TSC22D1: variants seen among roughly 807,000 people sequenced by gnomAD.
The protein encoded by TSC22D1 is TSC22 domain family protein 1.
In TSC22D1, 9 loss-of-function variants were observed where a neutral mutation model predicts 74.2. That is an observed-to-expected ratio of 0.12 (90% confidence interval 0.07 to 0.21). TSC22D1 has a LOEUF of 0.21. TSC22D1 is among the 10% of genes least tolerant of loss of function. TSC22D1 has a pLI of 1.00. For missense variants in TSC22D1, 1,427 were observed against 1,304.7 expected (o/e 1.09, Z -1.44); for synonymous variants, 586 against 492.5 (o/e 1.19, Z -2.51).
intron 1 of TSC22D1, among the ~76,000 whole-genome samples, chr13:44,517,343 C>A (rs896527523): frequency 2.6e-5 from 4 of 151,688 alleles, no homozygotes; most frequent in Non-Finnish European, 5.9e-5. Flanking sequence ...AACACACACA[C>A]ACACACACAC....
chr13:44,478,201 GC>G, intron 1 of TSC22D1, among the ~76,000 whole-genome samples: 1 of 151,976 alleles, frequency 6.6e-6, no homozygotes, highest in Non-Finnish European at 1.5e-5. Context: ...AATTCTGCAA[GC>G]CTTAAGTTAC....
At chr13:44,549,776 GAAAAA>G (rs1305063154) in intron 1 of TSC22D1, among the ~76,000 whole-genome samples, 2 of 67,954 alleles carry the variant, frequency 2.9e-5, no homozygotes, top group Non-Finnish European at 6.3e-5. Flanking sequence ...CAAAAAAAAA[GAAAAA>G]AAAAAAAAAA....
intron 1 of TSC22D1, among the ~76,000 whole-genome samples, chr13:44,549,776 G>GAAAAAAA (rs1305063154): frequency 2.4e-4 from 16 of 67,948 alleles, no homozygotes; most frequent in Admixed American, 1.7e-4. Flanking sequence ...CAAAAAAAAA[G>GAAAAAAA]AAAAAAAAAA....
intron 1 of TSC22D1, among the ~76,000 whole-genome samples, chr13:44,557,590 T>C (rs1882751254): frequency 6.6e-6 from 1 of 152,154 alleles, no homozygotes; most frequent in African/African-American, 2.4e-5. Context: ...CCCAAGTGAG[T>C]TCACAGGAAA....
intron 1 of TSC22D1, chr13:44,516,226 C>T (rs1879973484): frequency 6.3e-6 from 2 of 319,574 alleles, no homozygotes; most frequent in Admixed American, 3.5e-5. Context: ...TCTTGTTGAA[C>T]ATCATTAGTT....
intron 1 of TSC22D1, among the ~76,000 whole-genome samples, chr13:44,473,079 T>C (rs551924446): frequency 5.9e-5 from 9 of 152,162 alleles, no homozygotes; most frequent in Non-Finnish European, 1.3e-4. Flanking sequence ...TAAAACGGAA[T>C]TGCAGACCCA....
chr13:44,469,795 TA>T (rs1268935419), intron 1 of TSC22D1, among the ~76,000 whole-genome samples: 3 of 151,962 alleles, frequency 2.0e-5, no homozygotes, highest in Non-Finnish European at 4.4e-5. Flanking sequence ...CTATGAAGTT[TA>T]AAAAAAAGTT....
At position 44,573,985 on chromosome 13, in the gene TSC22D1, T is replaced by G. The variant is rs1211612888; in HGVS notation, c.2090A>C (p.Gln697Pro). ...AGGTTGTGCTGGGACTGCTGTGGGC[T>G]GCACTGGCAGCTGGATACCCTGTGG... Reference protein sequence around the residue: ...AQPQGIQLPVQPTAVPAQPAG... With the variant: ...AQPQGIQLPVPPTAVPAQPAG... Residue 697 changes from glutamine to proline, a missense_variant, in exon 1 of 3, where the codon CAG (glutamine) becomes CCG (proline). By Grantham distance (76) the Gln-to-Pro change is moderately conservative. This residue lies in a region of TSC22D1 where 1,343 missense variants were observed against 1,191.5 expected (regional missense o/e 1.13). Coordinates refer to ENST00000458659, the MANE Select transcript of TSC22D1 (RefSeq NM_183422.4). 1 of 1,614,048 alleles carries G rather than the reference T, an allele frequency of 6.2e-7. No individual in the cohort carries two copies.
intron 1 of TSC22D1, among the ~76,000 whole-genome samples, chr13:44,548,872 G>C (rs1185598662): frequency 3.3e-5 from 5 of 152,052 alleles, no homozygotes; most frequent in African/African-American, 9.7e-5. Flanking sequence ...ATATAAGATA[G>C]ACTTTTAAAT....
At chr13:44,568,417 T>TA (rs1010298984) in intron 1 of TSC22D1, among the ~76,000 whole-genome samples, 7 of 151,484 alleles carry the variant, frequency 4.6e-5, no homozygotes, top group South Asian at 2.1e-4. Context: ...GGCAAAGAGG[T>TA]AAAAAAAGAC....
intron 1 of TSC22D1, among the ~76,000 whole-genome samples, chr13:44,526,479 GA>G (rs547121694): frequency 9.1e-5 from 13 of 142,380 alleles, no homozygotes; most frequent in East Asian, 4.0e-4. Flanking sequence ...GAAAAGCAAA[GA>G]AAAAAAAAAG....
At chr13:44,458,249 T>C (rs899201641) in intron 1 of TSC22D1, among the ~76,000 whole-genome samples, 5 of 152,254 alleles carry the variant, frequency 3.3e-5, no homozygotes, top group Non-Finnish European at 7.3e-5. Context: ...TCTATGATGT[T>C]GTTTTAGCCA....
At chr13:44,538,549 AAAAG>A in intron 1 of TSC22D1, 4 of 985,414 alleles carry the variant, frequency 4.1e-6, no homozygotes, top group Non-Finnish European at 4.8e-6. Flanking sequence ...AGCCGCTTTT[AAAAG>A]AAAGGAGTCT....
At chr13:44,527,383 T>TA (rs1880598014) in intron 1 of TSC22D1, among the ~76,000 whole-genome samples, 3 of 152,222 alleles carry the variant, frequency 2.0e-5, no homozygotes, top group East Asian at 1.9e-4. Context: ...AGCAGTGTTA[T>TA]AAAAAATGGG....
At chr13:44,444,278 C>CAAAAAAAAAAAAAAAAAA (rs71070905) in intron 1 of TSC22D1, among the ~76,000 whole-genome samples, 3 of 17,582 alleles carry the variant, frequency 1.7e-4, no homozygotes, top group South Asian at 4.2e-3. Flanking sequence ...GACTCTGTCT[C>CAAAAAAAAAAAAAAAAAA]AAAAAAAAAA....
At chr13:44,455,702 G>A (rs1876540821) in intron 1 of TSC22D1, among the ~76,000 whole-genome samples, 1 of 152,142 alleles carries the variant, frequency 6.6e-6, no homozygotes, top group African/African-American at 2.4e-5. Flanking sequence ...GTTTCAAGAA[G>A]CCATGAGAAT....
intron 1 of TSC22D1, among the ~76,000 whole-genome samples, chr13:44,517,579 T>C (rs1274469931): frequency 6.6e-6 from 1 of 151,256 alleles, no homozygotes; most frequent in Non-Finnish European, 1.5e-5. Flanking sequence ...GTGCGGTGGC[T>C]TGCGCCTATA....
In TSC22D1 at chr13:44,436,543, A is replaced by T. The variant is rs1157516449; in HGVS notation, c.2913-448T>A. The T allele has an allele frequency of 1.9e-6, 3 of 1,614,130 alleles. No homozygotes were observed. In the African/African-American group the frequency reaches 4.0e-5, roughly 22 times the overall value. Reference sequence around the variant, plus strand: ...CACAGAAGCGTTTTCAGTCCCCAGCAAGGATGACAAGAAAGAAATTGAAAA... The same window carrying T: ...CACAGAAGCGTTTTCAGTCCCCAGCTAGGATGACAAGAAAGAAATTGAAAA... On this transcript the variant is annotated intron_variant, in intron 1 of 2. Coordinates refer to ENST00000458659, the MANE Select transcript of TSC22D1 (RefSeq NM_183422.4).
At chr13:44,515,151 A>G (rs1207411097) in intron 1 of TSC22D1, among the ~76,000 whole-genome samples, 3 of 152,170 alleles carry the variant, frequency 2.0e-5, no homozygotes, top group East Asian at 1.9e-4. Context: ...ATGAATATAT[A>G]TATGCAGATA....
Sources: gnomAD v4.1 joint callset for allele counts (sites outside exome capture counted in the v4.1 genomes callset) on GRCh38, gnomAD v4.1.1 for gene constraint, gnomAD v4.1.1 regional missense constraint, MANE v1.5 for transcripts, NCBI Gene and HGNC (gene_info 2026-07-23, HGNC 2026-07-21) for gene names.